The following RBFOX3 variants were observed in gnomAD, a reference collection of about 807,000 sequenced individuals.
The protein encoded by RBFOX3 is RNA binding fox-1 homolog 3.
In RBFOX3, 17 loss-of-function variants were observed where a neutral mutation model predicts 48.7. The ratio of observed to expected loss-of-function variants is 0.35; its 90% CI spans 0.24 to 0.52. The LOEUF is 0.52. Among genes scored for constraint, RBFOX3 ranks in the 20% least tolerant of loss-of-function variants. The pLI is 0.94. For synonymous variants in RBFOX3, 212 were observed against 209.5 expected, an observed-to-expected ratio of 1.01 and a Z score of -0.10; for missense variants, 382 against 497.5, an observed-to-expected ratio of 0.77 and a Z score of 2.21.
intron 3 of RBFOX3, among the ~76,000 whole-genome samples, chr17:79,302,055 A>G (rs529315080): frequency 1.3e-5 from 2 of 152,306 alleles, no homozygotes; most frequent in East Asian, 3.9e-4. Flanking sequence ...TGTTTGCACA[A>G]CAATGCAAAT....
intron 2 of RBFOX3, among the ~76,000 whole-genome samples, chr17:79,323,741 A>G (rs1397215521): frequency 6.6e-6 from 1 of 152,188 alleles, no homozygotes; most frequent in South Asian, 2.1e-4. Flanking sequence ...GCGTGCCGAG[A>G]GCTGGCGAGA....
Position 79,448,289 on chromosome 17 carries a change from T to C in RBFOX3, c.-175+34165A>G, listed in dbSNP as rs547762090. Among the ~76,000 whole-genome samples the C allele has an allele frequency of 5.3e-5, 8 of 152,318 alleles. No individual in the cohort carries two copies. The South Asian group carries it at 1.7e-3, about 32-fold the overall frequency. ...TTGGACACTGTAGTAGGTTAAATTG[T>C]GTCTCCCAAAAAGATGTGTCCAAGT... On this transcript the variant is annotated intron_variant, in intron 2 of 14. Transcript: ENST00000693108.
intron 4 of RBFOX3, among the ~76,000 whole-genome samples, chr17:79,150,484 C>T (rs111321501): frequency 2.2e-4 from 33 of 152,270 alleles, no homozygotes; most frequent in East Asian, 9.7e-4. Flanking sequence ...ACCCTGGTCC[C>T]GCCTGCCCAT....
rs1167717116 is a variant in RBFOX3 at position 79,198,920 on chromosome 17, C to T, written c.-34+36846G>A. Among the ~76,000 whole-genome samples, 1 of 152,222 alleles carries T rather than the reference C, an allele frequency of 6.6e-6. No individual in the cohort carries two copies. Among genetic ancestry groups the T allele is most frequent in the Non-Finnish European group, 1.5e-5 (1 of 68,044 alleles). ...CTGGGATTACAGGTGTGAGCCACTG[C>T]ACCTGGCCGAGCTTTTTGATGCCTA... On this transcript the variant is annotated intron_variant, in intron 4 of 14. Coordinates refer to ENST00000693108, the MANE Select transcript of RBFOX3 (RefSeq NM_001350451.2). This position sits in a 1 kb window ranked among gnomAD's most constrained non-coding sequence, Gnocchi z 8.2.
At chr17:79,556,751 C>T (rs1295713000) in intron 1 of RBFOX3, among the ~76,000 whole-genome samples, 8 of 152,134 alleles carry the variant, frequency 5.3e-5, no homozygotes, top group African/African-American at 1.7e-4. Context: ...CATCTATCAA[C>T]GTCTTGAGAT....
intron 1 of RBFOX3, among the ~76,000 whole-genome samples, chr17:79,519,522 C>T (rs1447957779): frequency 2.0e-5 from 3 of 152,200 alleles, no homozygotes; most frequent in Admixed American, 6.5e-5. Flanking sequence ...GCTCCCCACC[C>T]ATCCCCTCCC....
chr17:79,227,793 C>T (rs2060495440), intron 4 of RBFOX3, among the ~76,000 whole-genome samples: 2 of 152,200 alleles, frequency 1.3e-5, no homozygotes, highest in South Asian at 4.1e-4. Flanking sequence ...GGCTCGGGGC[C>T]TCTGTGTTGG....
intron 1 of RBFOX3, among the ~76,000 whole-genome samples, chr17:79,592,922 C>T (rs1312959667): frequency 8.5e-5 from 13 of 152,208 alleles, no homozygotes; most frequent in African/African-American, 2.7e-4. Flanking sequence ...ACCCACTACC[C>T]CACACCCCTG....
At chr17:79,502,093 A>T (rs1284731085) in intron 1 of RBFOX3, among the ~76,000 whole-genome samples, 5 of 151,862 alleles carry the variant, frequency 3.3e-5, no homozygotes, top group African/African-American at 9.7e-5. Flanking sequence ...CTGAGCCTTG[A>T]TATAAGCCTC....
intron 1 of RBFOX3, among the ~76,000 whole-genome samples, chr17:79,576,710 G>T (rs2092874721): frequency 6.6e-6 from 1 of 152,016 alleles, no homozygotes; most frequent in African/African-American, 2.4e-5. Context: ...TGATAGAGAA[G>T]ATGGAGATCA....
chr17:79,466,387 G>A (rs2076319967), intron 2 of RBFOX3, among the ~76,000 whole-genome samples: 1 of 152,186 alleles, frequency 6.6e-6, no homozygotes, highest in Non-Finnish European at 1.5e-5. Flanking sequence ...ACCCAGGATG[G>A]AGAAGGGCAG....
chr17:79,116,038 C>G (rs1326147976), intron 4 of RBFOX3, among the ~76,000 whole-genome samples: 2 of 152,170 alleles, frequency 1.3e-5, no homozygotes, highest in African/African-American at 4.8e-5. Context: ...TTTTTGTAAA[C>G]TACCTGATTT....
intron 4 of RBFOX3, among the ~76,000 whole-genome samples, chr17:79,210,094 C>T (rs1047192458): frequency 6.6e-6 from 1 of 152,120 alleles, no homozygotes; most frequent in Non-Finnish European, 1.5e-5. Flanking sequence ...CACACAGGCT[C>T]AGCTTCTGCC....
intron 2 of RBFOX3, among the ~76,000 whole-genome samples, chr17:79,352,492 C>T (rs763159407): frequency 3.9e-5 from 6 of 152,154 alleles, no homozygotes; most frequent in African/African-American, 9.7e-5. Context: ...TATGGCAGTG[C>T]GAGAACAGAT....
At chr17:79,548,690 T>A (rs1291711520) in intron 1 of RBFOX3, among the ~76,000 whole-genome samples, 1 of 152,172 alleles carries the variant, frequency 6.6e-6, no homozygotes, top group Non-Finnish European at 1.5e-5. Context: ...CACAAGACAC[T>A]CACTAAGTGG....
At position 79,600,182 on chromosome 17, in the gene RBFOX3, A is replaced by G. The variant is rs1393207814; in HGVS notation, c.-320+10644T>C. On this transcript the variant is annotated intron_variant, in intron 1 of 14. Transcript: ENST00000693108. Reference sequence around the variant, plus strand: ...AAGAGGCAAGCACCAGTACCAATACATGACACACACATGTGCTCACACATG... The same window carrying G: ...AAGAGGCAAGCACCAGTACCAATACGTGACACACACATGTGCTCACACATG... The G allele has an allele frequency of 2.6e-5, 4 of 152,276 alleles. No homozygotes were observed. In the East Asian group the frequency reaches 7.7e-4, roughly 29 times the overall value. The allele number at this position is 152,276 out of a possible 1,614,324, so 9.4% of individuals were successfully genotyped here. A position where few individuals can be genotyped will look rare whatever the true frequency, so the allele number is the denominator to read the frequency against.
chr17:79,149,263 T>C (rs1025978829), intron 4 of RBFOX3, among the ~76,000 whole-genome samples: 1 of 152,102 alleles, frequency 6.6e-6, no homozygotes, highest in Non-Finnish European at 1.5e-5. Context: ...TGGGGCTTAG[T>C]AGAGCGTGGG....
At chr17:79,524,203 G>C (rs1256253060) in intron 1 of RBFOX3, among the ~76,000 whole-genome samples, 2 of 152,188 alleles carry the variant, frequency 1.3e-5, no homozygotes, top group African/African-American at 4.8e-5. Flanking sequence ...AAAACAATGA[G>C]TTTGGCAAAA....
intron 2 of RBFOX3, among the ~76,000 whole-genome samples, chr17:79,388,684 C>T (rs868072224): frequency 2.0e-5 from 3 of 152,202 alleles, no homozygotes; most frequent in Non-Finnish European, 4.4e-5. Flanking sequence ...CGGAGGATGT[C>T]CACGTCCCGG....
Sources: gnomAD v4.1 joint callset for allele counts (sites outside exome capture counted in the v4.1 genomes callset) on GRCh38, gnomAD v4.1.1 for gene constraint, Gnocchi (gnomAD v3.1) non-coding constraint, MANE v1.5 for transcripts, NCBI Gene and HGNC (gene_info 2026-07-23, HGNC 2026-07-21) for gene names.